Variants in SUMF1 observed in about 807,000 individuals in gnomAD.
SUMF1 encodes sulfatase modifying factor 1.
Under a neutral mutation model 47.6 loss-of-function variants are expected in SUMF1, and 48 were observed. The observed-to-expected ratio is 1.01, with a 90% CI of 0.80 to 1.28. The LOEUF is 1.28. Among genes scored for constraint, SUMF1 ranks in the 50% most tolerant of loss-of-function variants. SUMF1 has a pLI of 0.00. For synonymous variants in SUMF1, 230 were observed against 192.1 expected (o/e 1.20, Z -1.63); for missense variants, 571 against 485.4 (o/e 1.18, Z -1.66).
chr3:4,262,382 G>T (rs918149648), intron 8 of SUMF1, among the ~76,000 whole-genome samples: 3 of 152,114 alleles, frequency 2.0e-5, no homozygotes, highest in African/African-American at 7.2e-5. Context: ...TCCTCTGAGT[G>T]CAAACCCTAA....
intron 8 of SUMF1, among the ~76,000 whole-genome samples, chr3:4,311,492 T>G (rs913016222): frequency 6.6e-6 from 1 of 152,190 alleles, no homozygotes; most frequent in Non-Finnish European, 1.5e-5. Flanking sequence ...AAACAGCCCA[T>G]GAAACTGCTT....
At chr3:4,100,172 C>G (rs1168736307) in intron 8 of SUMF1, among the ~76,000 whole-genome samples, 1 of 151,232 alleles carries the variant, frequency 6.6e-6, no homozygotes, top group Non-Finnish European at 1.5e-5. Context: ...TAATTCTTCA[C>G]AGAAATCGAA....
At chr3:4,205,154 C>T (rs1695623764) in intron 8 of SUMF1, among the ~76,000 whole-genome samples, 2 of 152,142 alleles carry the variant, frequency 1.3e-5, no homozygotes, top group Admixed American at 6.5e-5. Flanking sequence ...TGATTTGTTA[C>T]TGCCCCACCT....
rs1692457469 is a variant in SUMF1, at chr3:4,077,177, G to T, written c.1015-8432C>A. 1.3e-5 allele frequency among the ~76,000 whole-genome samples: 2 copies of T among 152,082 alleles called. 1 individual carries two copies. Among genetic ancestry groups the T allele is most frequent in the Admixed American group, 1.3e-4 (2 of 15,262 alleles). ...AACAACAGACGCTGGAGAGGATGTG[G>T]AGAAACAGGAATGCTTTTACACTGT... On this transcript the variant is annotated intron_variant and NMD_transcript_variant, in intron 8 of 12. Transcript: ENST00000448413.
chr3:4,150,342 G>A (rs1194829477), intron 8 of SUMF1, among the ~76,000 whole-genome samples: 3 of 151,474 alleles, frequency 2.0e-5, no homozygotes, highest in Non-Finnish European at 4.4e-5. Context: ...CAGGTGGATT[G>A]CCTGAGCTCA....
At chr3:4,154,541 A>G (rs1456684381) in intron 8 of SUMF1, among the ~76,000 whole-genome samples, 1 of 151,608 alleles carries the variant, frequency 6.6e-6, no homozygotes, top group Non-Finnish European at 1.5e-5. Context: ...AGATGAATAA[A>G]TGAGTTTCAT....
intron 7 of SUMF1, among the ~76,000 whole-genome samples, chr3:4,383,820 A>G (rs1178631588): frequency 6.6e-6 from 1 of 152,246 alleles, no homozygotes; most frequent in Non-Finnish European, 1.5e-5. Context: ...ACTCTGACAC[A>G]GAAACTTCAT....
intron 8 of SUMF1, among the ~76,000 whole-genome samples, chr3:4,348,013 C>T (rs923449838): frequency 6.6e-6 from 1 of 152,094 alleles, no homozygotes; most frequent in African/African-American, 2.4e-5. Context: ...AAGCACTGCT[C>T]AAGGAAATAA....
At chr3:4,217,218 C>G (rs548720525) in intron 8 of SUMF1, among the ~76,000 whole-genome samples, 1 of 151,776 alleles carries the variant, frequency 6.6e-6, no homozygotes, top group Admixed American at 6.6e-5. Context: ...TTTGCAGGGA[C>G]ATGGATGAAG....
At chr3:4,283,548 C>A (rs776950902) in intron 8 of SUMF1, among the ~76,000 whole-genome samples, 9 of 152,258 alleles carry the variant, frequency 5.9e-5, no homozygotes, top group Non-Finnish European at 1.2e-4. Flanking sequence ...ACCTAAGTAA[C>A]GAATACCTTT....
At chr3:4,096,895 T>A (rs1451387931) in intron 8 of SUMF1, among the ~76,000 whole-genome samples, 2 of 152,062 alleles carry the variant, frequency 1.3e-5, no homozygotes, top group Admixed American at 1.3e-4. Context: ...TGTTCCCAAA[T>A]CTTCCCTTTT....
intron 8 of SUMF1, among the ~76,000 whole-genome samples, chr3:4,264,400 C>A (rs528391712): frequency 6.6e-6 from 1 of 152,272 alleles, no homozygotes; most frequent in Admixed American, 6.5e-5. Flanking sequence ...TGTCCCAGTT[C>A]CTTTCTCACC....
At chr3:4,313,365 A>G in intron 8 of SUMF1, 3 of 1,614,030 alleles carry the variant, frequency 1.9e-6, no homozygotes, top group Non-Finnish European at 2.5e-6. Flanking sequence ...TAATGGAAAC[A>G]TTTGTTGACC....
intron 9 of SUMF1, among the ~76,000 whole-genome samples, chr3:4,058,124 T>C (rs562347570): frequency 3.3e-3 from 497 of 152,236 alleles, no homozygotes; most frequent in African/African-American, 0.011. Flanking sequence ...AACTGATGCA[T>C]TGAAAGATTC....
In SUMF1 at chr3:4,110,838, T is replaced by G. The variant is rs1158214956; in HGVS notation, c.1015-42093A>C. Among the ~76,000 whole-genome samples the G allele has an allele frequency of 1.4e-4, 14 of 102,962 alleles. No homozygotes were observed. The South Asian group carries it at 4.7e-3, about 35-fold the overall frequency. 67.5% of individuals were successfully genotyped at this position (102,962 alleles called of 152,430 possible). ...AAGGGGAACGTCACACACTGGGGCCTGTTGTGGGGTGGGGGGAGGGGGGAG... is the reference window on the plus strand; with the variant it reads ...AAGGGGAACGTCACACACTGGGGCCGGTTGTGGGGTGGGGGGAGGGGGGAG... On this transcript the variant is annotated intron_variant and NMD_transcript_variant, in intron 8 of 12. Coordinates refer to the SUMF1 transcript ENST00000448413.
At chr3:4,172,276 T>C (rs923711529) in intron 8 of SUMF1, among the ~76,000 whole-genome samples, 3 of 152,136 alleles carry the variant, frequency 2.0e-5, no homozygotes, top group African/African-American at 7.2e-5. Flanking sequence ...ACTGAGTGAA[T>C]AGTGGTGTCA....
In SUMF1 at chr3:4,128,504, G is replaced by A. The variant is rs542384744; in HGVS notation, c.1015-59759C>T. Among the ~76,000 whole-genome samples, 10 of 152,154 alleles carry A rather than the reference G, an allele frequency of 6.6e-5. No individual in the cohort carries two copies. In the South Asian group the frequency reaches 2.1e-3, roughly 32 times the overall value. On this transcript the variant is annotated intron_variant and NMD_transcript_variant, in intron 8 of 12. Transcript: ENST00000448413. ...AGGAGATCAACCCTGCATTGCCTGG[G>A]GCAACAGTGTTGGCCTCCCCTGAGG...
intron 8 of SUMF1, among the ~76,000 whole-genome samples, chr3:4,120,931 G>A (rs190746385): frequency 3.6e-4 from 55 of 152,256 alleles, no homozygotes; most frequent in African/African-American, 1.3e-3. Context: ...ATAATTGTGA[G>A]GGCATGAGTA....
intron 8 of SUMF1, among the ~76,000 whole-genome samples, chr3:4,218,918 C>A (rs575664284): frequency 6.6e-6 from 1 of 152,240 alleles, no homozygotes; most frequent in South Asian, 2.1e-4. Context: ...CACTATTAAA[C>A]GCAGCCAAAT....
Sources: allele counts gnomAD v4.1 joint callset (sites outside exome capture counted in the v4.1 genomes callset), GRCh38; gene constraint gnomAD v4.1.1; transcripts MANE v1.5; gene names NCBI Gene and HGNC (gene_info 2026-07-23, HGNC 2026-07-21).